The following PLEKHH1 variants were observed in gnomAD, a reference collection of about 807,000 sequenced individuals.
PLEKHH1 encodes pleckstrin homology domain-containing family H member 1.
Under a neutral mutation model 160.0 loss-of-function variants are expected in PLEKHH1, and 104 were observed. That is an observed-to-expected ratio of 0.65 (90% confidence interval 0.55 to 0.76). PLEKHH1 has a LOEUF of 0.76. PLEKHH1 is among the 30% of genes least tolerant of loss of function. PLEKHH1 has a pLI of 0.00. For missense variants in PLEKHH1, 1,427 were observed against 1,724.1 expected (o/e 0.83, Z 3.05); for synonymous variants, 619 against 678.4 (o/e 0.91, Z 1.36).
chr14:67,542,009 C>T lies in PLEKHH1; in HGVS notation c.126+16C>T. 6.3e-7 allele frequency: 1 copy of T among 1,587,524 alleles called. No homozygotes were observed. Among genetic ancestry groups the T allele is most frequent in the Non-Finnish European group, 8.6e-7 (1 of 1,167,414 alleles). ...GGCTGACAAGGTGAGTCCCTCAGAG[C>T]AGGGAGCTGCCTCTCCACACGCAGA... is the stretch of plus-strand genomic sequence containing the variant. On this transcript the variant is annotated intron_variant, in intron 2 of 28. Transcript: ENST00000329153.
Position 67,566,466 on chromosome 14 carries a change from C to T in PLEKHH1, c.1264-2672C>T, listed in dbSNP as rs118075347. On this transcript the variant is annotated intron_variant, in intron 7 of 28. Coordinates refer to ENST00000329153, the MANE Select transcript of PLEKHH1 (RefSeq NM_020715.3). ...GATAGCTTAAGAGTAGGTCTTGAGC[C>T]GGGTACAGTGGCTCACACCTGTAAT... Among the ~76,000 whole-genome samples the T allele has an allele frequency of 6.0e-3, 920 of 152,134 alleles. 7 individuals are homozygous for T. Among genetic ancestry groups the T allele is most frequent in the Non-Finnish European group, 7.9e-3 (536 of 68,008 alleles).
At chr14:67,579,370 C>T (rs1382160046) in intron 21 of PLEKHH1, 59 bp downstream of exon 21, 4 of 1,329,798 alleles carry the variant, frequency 3.0e-6, no homozygotes, top group South Asian at 3.3e-5. Context: ...CCAGAGAATA[C>T]CCCTGGGCCT....
intron 15 of PLEKHH1, 43 bp from the exon 16 acceptor site, chr14:67,575,780 T>G: frequency 6.6e-7 from 1 of 1,506,130 alleles, no homozygotes; most frequent in Admixed American, 1.8e-5. Context: ...GACTCCCTCA[T>G]CCCCCACTGG....
At chr14:67,537,417 C>T (rs1239091750) in intron 1 of PLEKHH1, among the ~76,000 whole-genome samples, 2 of 148,910 alleles carry the variant, frequency 1.3e-5, no homozygotes, top group South Asian at 2.1e-4. Flanking sequence ...TGGCTCAACA[C>T]ACTTTAGAAT....
At chr14:67,549,863 G>T (rs1366775175) in intron 2 of PLEKHH1, among the ~76,000 whole-genome samples, 1 of 152,212 alleles carries the variant, frequency 6.6e-6, no homozygotes, top group African/African-American at 2.4e-5. Context: ...CTAAAGAAAA[G>T]CTCTGTGGGC....
chr14:67,559,810 A>T (rs1173668107), intron 5 of PLEKHH1, 119 bp downstream of exon 5: 7 of 673,308 alleles, frequency 1.0e-5, no homozygotes, highest in Non-Finnish European at 1.9e-5. Flanking sequence ...TCTGTCCAGC[A>T]CTTGTTTTGC....
At chr14:67,544,676 T>C (rs548739317) in intron 2 of PLEKHH1, among the ~76,000 whole-genome samples, 1 of 152,276 alleles carries the variant, frequency 6.6e-6, no homozygotes, top group Non-Finnish European at 1.5e-5. Context: ...AAAGATCAGG[T>C]AGACTTGAAA....
intron 2 of PLEKHH1, among the ~76,000 whole-genome samples, chr14:67,545,801 T>C (rs556478877): frequency 6.6e-6 from 1 of 152,356 alleles, no homozygotes; most frequent in South Asian, 2.1e-4. Flanking sequence ...ATCTGAAGGA[T>C]ATATACAGCA....
intron 8 of PLEKHH1, 26 bp from the exon 9 acceptor site, chr14:67,569,895 A>G (rs1173233357): frequency 6.7e-7 from 1 of 1,490,392 alleles, no homozygotes; most frequent in Non-Finnish European, 9.3e-7. Context: ...CCCTTGAGTA[A>G]TCTCATTCCT....
chr14:67,565,312 C>G (rs990023779), intron 7 of PLEKHH1, among the ~76,000 whole-genome samples: 9 of 152,132 alleles, frequency 5.9e-5, no homozygotes, highest in Admixed American at 5.2e-4. Flanking sequence ...GGCACAATCA[C>G]AGTCCACTGC....
intron 9 of PLEKHH1, chr14:67,571,464 C>A (rs1189439801): frequency 2.9e-6 from 1 of 344,612 alleles, no homozygotes; most frequent in Admixed American, 3.8e-5. Context: ...GCTTTCTGGC[C>A]CCCTAGTGGC....
chr14:67,567,899 C>T (rs2035184455), intron 7 of PLEKHH1, among the ~76,000 whole-genome samples: 1 of 152,232 alleles, frequency 6.6e-6, no homozygotes. Context: ...GTGGAGCAAA[C>T]AGATCCAGAA....
Position 67,582,984 on chromosome 14 carries a change from G to A in PLEKHH1, c.3427-757G>A, listed in dbSNP as rs1422658550. ...ACCTTCTAAGTAGACTTAGGAAGAG[G>A]AACACACATTCAGACTTGGACTCTC... is the stretch of plus-strand genomic sequence containing the variant. On this transcript the variant is annotated intron_variant, in intron 24 of 28. Coordinates refer to ENST00000329153, the MANE Select transcript of PLEKHH1 (RefSeq NM_020715.3). The surrounding 1 kb of genome is among the most constrained non-coding windows in gnomAD (Gnocchi z 5.0). Among the ~76,000 whole-genome samples, 1 of 152,138 alleles carries A rather than the reference G, an allele frequency of 6.6e-6. No individual in the cohort carries two copies. The highest frequency in any genetic ancestry group is 1.5e-5 in the Non-Finnish European group (1 of 68,034).
In PLEKHH1 at chr14:67,557,320, T is replaced by G; in HGVS notation, c.241T>G (p.Ser81Ala). The G allele has an allele frequency of 6.2e-7, 1 of 1,613,756 alleles. No individual in the cohort carries two copies. Among genetic ancestry groups the G allele is most frequent in the Non-Finnish European group, 8.5e-7 (1 of 1,179,650 alleles). Residue 81 changes from serine (S) to alanine (A), a missense_variant, in exon 4 of 29, where the codon TCT (serine) becomes GCT (alanine). Ser to Ala is a moderately conservative substitution (Grantham distance 99). Transcript: ENST00000329153. ...ACTATCCAATCTGAAGAATGTGGAC[T>G]CTGAGGGGAGCCTGCACCGGAAATA... is the stretch of plus-strand genomic sequence containing the variant. ...VKLSNLKNVD[S>A]EGSLHRKYQE... is the part of the protein sequence containing the mutation.
intron 1 of PLEKHH1, among the ~76,000 whole-genome samples, chr14:67,535,160 A>AATGCCTGTAG (rs1484503690): frequency 6.6e-6 from 1 of 152,162 alleles, no homozygotes; most frequent in South Asian, 2.1e-4. Context: ...CATACATATG[A>AATGCCTGTAG]ATGCCTGTAG....
chr14:67,549,395 C>T (rs368897827), intron 2 of PLEKHH1, among the ~76,000 whole-genome samples: 1 of 152,064 alleles, frequency 6.6e-6, no homozygotes, highest in East Asian at 1.9e-4. Flanking sequence ...CTCAGCCTCC[C>T]GAGTAGCTGG....
At position 67,587,074 on chromosome 14, in the gene PLEKHH1, A is replaced by G; in HGVS notation, c.3934A>G (p.Ile1312Val). 2 of 1,598,224 alleles carry G rather than the reference A, an allele frequency of 1.3e-6. No homozygotes were observed. The highest frequency in any genetic ancestry group is 1.7e-6 in the Non-Finnish European group (2 of 1,171,514). ...KLIFRMAAPK[I>V]AEATFIMASY... Reference sequence around the variant, plus strand: ...CTTCACATCTCTGACCTCCTCTTAGATTGCAGAAGCTACCTTCATCATGGC... The same window carrying G: ...CTTCACATCTCTGACCTCCTCTTAGGTTGCAGAAGCTACCTTCATCATGGC... Residue 1312 changes from isoleucine (I) to valine (V), a missense_variant and splice_region_variant, in exon 29 of 29, where the codon ATT (isoleucine) becomes GTT (valine). Physicochemically the swap from Ile to Val is conservative, Grantham distance 29 (BLOSUM62 3). Coordinates refer to ENST00000329153, the MANE Select transcript of PLEKHH1 (RefSeq NM_020715.3).
At chr14:67,584,426 G>A (rs1251165285) in intron 26 of PLEKHH1, among the ~76,000 whole-genome samples, 4 of 152,122 alleles carry the variant, frequency 2.6e-5, no homozygotes, top group African/African-American at 4.8e-5. Context: ...TTTAAAGTTT[G>A]AAAGAACAAT....
At chr14:67,547,294 G>C (rs2034218294) in intron 2 of PLEKHH1, among the ~76,000 whole-genome samples, 1 of 152,154 alleles carries the variant, frequency 6.6e-6, no homozygotes, top group Admixed American at 6.5e-5. Flanking sequence ...TGGACCTCTT[G>C]GCAGGAAATC....
Sources: allele counts gnomAD v4.1 joint callset (sites outside exome capture counted in the v4.1 genomes callset), GRCh38; gene constraint gnomAD v4.1.1; non-coding constraint Gnocchi (gnomAD v3.1); transcripts MANE v1.5; gene names NCBI Gene and HGNC (gene_info 2026-07-23, HGNC 2026-07-21).